Variants in CD8B2 observed in about 807,000 individuals in gnomAD.
CD8B2 encodes the protein CD8B family member 2.
Under a neutral mutation model 23.7 loss-of-function variants are expected in CD8B2, and 11 were observed. That is an observed-to-expected ratio of 0.46 (90% confidence interval 0.29 to 0.77). CD8B2 has a LOEUF of 0.77. Ranked by LOEUF, CD8B2 falls within the 30% of genes least tolerant of loss-of-function variation. The pLI is 0.09. For synonymous variants in CD8B2, 90 were observed against 109.3 expected (o/e 0.82, Z 1.10); for missense variants, 197 against 270.5 (o/e 0.73, Z 1.91).
chr2:106,541,761 C>A (rs527794266), intron 5 of CD8B2, among the ~76,000 whole-genome samples: 56 of 152,328 alleles, frequency 3.7e-4, no homozygotes, highest in African/African-American at 1.2e-3. Flanking sequence ...TTGTGAAAGG[C>A]ATTCTTTATT....
At chr2:106,515,386 C>A (rs1019924377), downstream of CD8B2, among the ~76,000 whole-genome samples, 1 of 152,160 alleles carries the variant, frequency 6.6e-6, no homozygotes, top group African/African-American at 2.4e-5. Flanking sequence ...GAAACCTTAG[C>A]CCCCATGTGA....
At chr2:106,497,632 A>G (rs1361892880) in intron 3 of CD8B2, among the ~76,000 whole-genome samples, 5 of 152,194 alleles carry the variant, frequency 3.3e-5, no homozygotes, top group African/African-American at 1.2e-4. Flanking sequence ...TAAGTACCAG[A>G]AATTATTGAG....
chr2:106,538,487 T>C (rs1254013398), intron 5 of CD8B2, among the ~76,000 whole-genome samples: 1 of 152,144 alleles, frequency 6.6e-6, no homozygotes, highest in South Asian at 2.1e-4. Context: ...GTGATTAAAA[T>C]TTCCCCATGT....
chr2:106,499,535 A>G (rs1366028037), intron 3 of CD8B2, among the ~76,000 whole-genome samples: 1 of 150,610 alleles, frequency 6.6e-6, no homozygotes, highest in East Asian at 1.9e-4. Flanking sequence ...CTGTCTCAAA[A>G]AAAAAAAAAA....
intron 3 of CD8B2, among the ~76,000 whole-genome samples, chr2:106,501,614 G>A (rs1456122224): frequency 3.9e-5 from 6 of 152,122 alleles, no homozygotes; most frequent in East Asian, 3.9e-4. Context: ...CCCAGAAGGC[G>A]GAGGTTGCAG....
chr2:106,527,991 T>C (rs1679938604), intron 5 of CD8B2, among the ~76,000 whole-genome samples: 1 of 152,122 alleles, frequency 6.6e-6, no homozygotes, highest in African/African-American at 2.4e-5. Flanking sequence ...TCCTCATTCT[T>C]TTTGGGTGAG....
chr2:106,516,073 A>G (rs13388868), downstream of CD8B2, among the ~76,000 whole-genome samples: 52,956 of 151,232 alleles, frequency 0.35, 9,431 homozygotes, highest in African/African-American at 0.4. Context: ...CAGGTAATCC[A>G]CCCGCCTTGG....
In CD8B2 at chr2:106,502,387, T is replaced by A. The variant is rs927583971; in HGVS notation, c.494-87T>A. On this transcript the variant is annotated intron_variant, in intron 3 of 5. Transcript: ENST00000643224. Reference sequence around the variant, plus strand: ...ATTCTCTGGGAGGTGGGGCTTCCAGTTGAATTTTTCGCTCCTTGTATTTTT... The same window carrying A: ...ATTCTCTGGGAGGTGGGGCTTCCAGATGAATTTTTCGCTCCTTGTATTTTT... 7.0e-6 allele frequency: 5 copies of A among 714,186 alleles called. No individual in the cohort carries two copies. In the East Asian group the frequency reaches 1.4e-4, roughly 20 times the overall value. 44.2% of individuals were successfully genotyped at this position (714,186 alleles called of 1,614,324 possible).
chr2:106,526,437 C>T (rs1185336293), intron 5 of CD8B2, among the ~76,000 whole-genome samples: 1 of 152,102 alleles, frequency 6.6e-6, no homozygotes, highest in African/African-American at 2.4e-5. Flanking sequence ...TGCCTGCCAC[C>T]CCCTCTTCTG....
At chr2:106,515,106 G>A (rs912979761), downstream of CD8B2, among the ~76,000 whole-genome samples, 1 of 152,182 alleles carries the variant, frequency 6.6e-6, no homozygotes, top group Non-Finnish European at 1.5e-5. Context: ...ACACACCCAG[G>A]AAAAGTACTT....
downstream of CD8B2, among the ~76,000 whole-genome samples, chr2:106,513,015 A>G (rs1679663805): frequency 6.6e-6 from 1 of 152,102 alleles, no homozygotes; most frequent in African/African-American, 2.4e-5. Context: ...GAATGAACAA[A>G]GCAAAAGGCT....
intron 5 of CD8B2, among the ~76,000 whole-genome samples, chr2:106,524,388 C>T (rs1679877670): frequency 6.6e-6 from 1 of 152,182 alleles, no homozygotes; most frequent in African/African-American, 2.4e-5. Context: ...ACAGCCCAGG[C>T]CTGGGAAGCC....
At chr2:106,514,669 G>A (rs1378826127), downstream of CD8B2, among the ~76,000 whole-genome samples, 3 of 151,306 alleles carry the variant, frequency 2.0e-5, no homozygotes, top group Non-Finnish European at 2.9e-5. Flanking sequence ...GTTTGAGCCT[G>A]GTCAGACGCT....
chr2:106,497,307 G>A (rs1206923813), intron 3 of CD8B2, among the ~76,000 whole-genome samples: 2 of 152,084 alleles, frequency 1.3e-5, no homozygotes, highest in Non-Finnish European at 2.9e-5. Flanking sequence ...CCTAACAGAG[G>A]ACCTAATACA....
At chr2:106,518,645 T>G (rs1272904795) in intron 5 of CD8B2, among the ~76,000 whole-genome samples, 8 of 152,190 alleles carry the variant, frequency 5.3e-5, no homozygotes, top group Admixed American at 5.2e-4. Context: ...TCCTCATCCA[T>G]CTATCCATCC....
intron 5 of CD8B2, among the ~76,000 whole-genome samples, chr2:106,523,980 T>C (rs1274267435): frequency 2.0e-5 from 3 of 152,220 alleles, no homozygotes; most frequent in Non-Finnish European, 4.4e-5. Context: ...AGTAAATTTC[T>C]ATGCTTATTC....
chr2:106,497,515 A>G (rs1051848165), intron 3 of CD8B2, among the ~76,000 whole-genome samples: 6 of 152,176 alleles, frequency 3.9e-5, no homozygotes, highest in Non-Finnish European at 8.8e-5. Flanking sequence ...AGCAAAAGTC[A>G]CTGGTGACAA....
intron 1 of CD8B2, among the ~76,000 whole-genome samples, chr2:106,488,339 G>A (rs533933534): frequency 6.6e-6 from 1 of 151,600 alleles, no homozygotes; most frequent in East Asian, 1.9e-4. Context: ...CTGGGTTACC[G>A]AGGGGAACAT....
chr2:106,513,867 C>T (rs1288637423), downstream of CD8B2, among the ~76,000 whole-genome samples: 58 of 152,200 alleles, frequency 3.8e-4, no homozygotes, highest in African/African-American at 1.1e-3. Context: ...GGGTTGTCCC[C>T]GCCTCTATCT....
Sources: gnomAD v4.1 joint callset for allele counts (sites outside exome capture counted in the v4.1 genomes callset) on GRCh38, gnomAD v4.1.1 for gene constraint, MANE v1.5 for transcripts, NCBI Gene and HGNC (gene_info 2026-07-23, HGNC 2026-07-21) for gene names.